The following ZNF780A variants were observed in gnomAD, a reference collection of about 807,000 sequenced individuals.
ZNF780A encodes the protein zinc finger protein 780A.
Under a neutral mutation model 56.7 loss-of-function variants are expected in ZNF780A, and 40 were observed. That is an observed-to-expected ratio of 0.71 (90% CI 0.55 to 0.92). The LOEUF is 0.92. Among genes scored for constraint, ZNF780A ranks in the 40% least tolerant of loss-of-function variants. The probability of loss-of-function intolerance (pLI) is 0.00; values close to 1 mark genes in which losing one functional copy is unlikely to be tolerated. For missense variants in ZNF780A, 672 were observed against 783.3 expected (o/e 0.86, Z 1.70); for synonymous variants, 231 against 248.3 (o/e 0.93, Z 0.66).
intron 3 of ZNF780A, among the ~76,000 whole-genome samples, chr19:40,083,580 C>T (rs767981648): frequency 6.7e-6 from 1 of 149,818 alleles, no homozygotes; most frequent in South Asian, 2.1e-4. Flanking sequence ...AGGAGTATTG[C>T]TTGAGCCCAG....
chr19:40,072,869 C>T (rs1048094252), downstream of ZNF780A: 1 of 1,537,402 alleles, frequency 6.5e-7, no homozygotes, highest in African/African-American at 1.4e-5. Context: ...ATAGGATTTC[C>T]AGGCTACAAT....
intron 5 of ZNF780A, among the ~76,000 whole-genome samples, chr19:40,079,098 T>C (rs939358261): frequency 1.3e-5 from 2 of 152,040 alleles, no homozygotes; most frequent in Non-Finnish European, 2.9e-5. Flanking sequence ...AACAGACTCA[T>C]CTCACTGGTA....
rs140572848 is a variant in ZNF780A at position 40,073,363 on chromosome 19, A to C, written c.*1153T>G. ...CACCATGATAGATATATAACAATGA[A>C]ATAGTTTGAAATATTCTGAGAATTA... On this transcript the variant is annotated 3_prime_UTR_variant, in exon 6 of 6. Transcript: ENST00000683561. 5.6e-4 allele frequency: 145 copies of C among 260,030 alleles called. No individual in the cohort carries two copies. The highest frequency in any genetic ancestry group is 3.1e-3 in the African/African-American group (134 of 43,384). The allele number at this position is 260,030 out of a possible 1,614,324, so 16.1% of individuals were successfully genotyped here.
intron 4 of ZNF780A, among the ~76,000 whole-genome samples, chr19:40,082,329 G>A (rs1357626665): frequency 6.6e-6 from 1 of 152,060 alleles, no homozygotes. Context: ...TTATATATAT[G>A]CAAAATACTT....
Position 40,075,973 on chromosome 19 carries a change from G to C in ZNF780A, c.469C>G (p.Leu157Val), listed in dbSNP as rs776080741. 2.5e-6 allele frequency: 4 copies of C among 1,613,266 alleles called. 1 individual carries two copies. In the Admixed American group the frequency reaches 6.7e-5, roughly 27 times the overall value. Residue 157 changes from leucine to valine, a missense_variant, in exon 6 of 6, where the codon CTT becomes GTT. By Grantham distance (32) the Leu-to-Val change is conservative. Transcript: ENST00000683561. ...TACGGTTTATGTGTATTGCAAATAAGAGAAGCATGAGGAGTATGAGTAGGC... is the reference window on the plus strand; with the variant it reads ...TACGGTTTATGTGTATTGCAAATAACAGAAGCATGAGGAGTATGAGTAGGC... ...KLPTHTPHAS[L>V]ICNTHKPYEC...
At chr19:40,082,536 T>C (rs1974536207) in intron 4 of ZNF780A, among the ~76,000 whole-genome samples, 1 of 152,202 alleles carries the variant, frequency 6.6e-6, no homozygotes, top group Non-Finnish European at 1.5e-5. Flanking sequence ...CCCTTTAGTG[T>C]TAAATGAATT....
chr19:40,088,437 G>A (rs1974944025), intron 2 of ZNF780A, among the ~76,000 whole-genome samples: 1 of 152,152 alleles, frequency 6.6e-6, no homozygotes, highest in Admixed American at 6.5e-5. Context: ...TCAGGGAAAT[G>A]AAAATTAAAC....
intron 3 of ZNF780A, 151 bp downstream of exon 3, chr19:40,084,594 T>C: frequency 1.8e-6 from 1 of 559,356 alleles, no homozygotes; most frequent in Non-Finnish European, 2.9e-6. Context: ...AGCAGTGACT[T>C]TTTTTTTTTT....
At position 40,073,818 on chromosome 19, in the gene ZNF780A, A is replaced by G. The variant is rs1973927276; in HGVS notation, c.*698T>C. ...GGTGTTGAGTAAATTTTTCGTACAC[A>G]GTGAAGGCTTGTCCACACTCCTTAT... is the stretch of plus-strand genomic sequence containing the variant. On this transcript the variant is annotated 3_prime_UTR_variant, in exon 6 of 6. Transcript: ENST00000683561. 1.0e-6 allele frequency: 1 copy of G among 989,484 alleles called. No homozygotes were observed. The highest frequency in any genetic ancestry group is 1.7e-5 in the African/African-American group (1 of 57,254). The allele number at this position is 989,484 out of a possible 1,614,324, so 61.3% of individuals were successfully genotyped here. A position where few individuals can be genotyped will look rare whatever the true frequency, so the allele number is the denominator to read the frequency against.
intron 5 of ZNF780A, among the ~76,000 whole-genome samples, chr19:40,076,441 G>C (rs1398687431): frequency 1.3e-5 from 2 of 152,116 alleles, no homozygotes; most frequent in African/African-American, 4.8e-5. Flanking sequence ...ATAGGAAAAT[G>C]AACCACAGAA....
rs775372893 is a variant in ZNF780A, at chr19:40,075,124, A to C, written c.1318T>G (p.Ser440Ala). The C allele has an allele frequency of 6.2e-7, 1 of 1,613,424 alleles. No homozygotes were observed. The highest frequency in any genetic ancestry group is 1.3e-5 in the African/African-American group (1 of 74,724). Residue 440 changes from serine to alanine, a missense_variant, in exon 6 of 6, where the codon TCC becomes GCC. Transcript: ENST00000683561. Reference sequence around the variant, plus strand: ...CTACATACAAAAGGTTTCTCATTGGAATGAATTTTCTGATGCTGAATAAGG... The same window carrying C: ...CTACATACAAAAGGTTTCTCATTGGCATGAATTTTCTGATGCTGAATAAGG... Reference protein sequence around the residue: ...AHLIQHQKIHSNEKPFVCREC... With the variant: ...AHLIQHQKIHANEKPFVCREC...
chr19:40,074,543 G>T lies in ZNF780A; in HGVS notation c.1899C>A (p.Asn633Lys), dbSNP rs567855101. The change falls in exon 6 of 6, where the codon AAC becomes AAA. Residue 633 changes from asparagine to lysine, a missense_variant. Coordinates refer to ENST00000683561, the MANE Select transcript of ZNF780A (RefSeq NM_001142578.2). ...SLPTQLNRHK[N>K]IHTGEKAS ...AAGATGCCTTCTCACCTGTGTGAAT[G>T]TTCTTATGGCGATTAAGCTGGGTGG... 6 of 1,613,786 alleles carry T rather than the reference G, an allele frequency of 3.7e-6. No homozygotes were observed. The East Asian group carries it at 1.3e-4, about 36-fold the overall frequency.
intron 2 of ZNF780A, among the ~76,000 whole-genome samples, chr19:40,086,620 T>C (rs1314713567): frequency 1.3e-5 from 2 of 152,180 alleles, no homozygotes. Flanking sequence ...ATAATTCTTA[T>C]AGAATGCCTT....
In ZNF780A at chr19:40,074,951, A is replaced by T. The variant is rs761219753; in HGVS notation, c.1491T>A (p.Gly497=). ...ACTCCTTACATTCATAGGGCTTCTC[A>T]CCAGTGTGAATACTCTGATGTTGAA... The part of the protein sequence containing the change: ...SLVQHQSIHT[G]EKPYECKECG... The change falls in exon 6 of 6, where the codon GGT becomes GGA. Residue 497 remains glycine, a synonymous_variant. Coordinates refer to ENST00000683561, the MANE Select transcript of ZNF780A (RefSeq NM_001142578.2). 3.7e-6 allele frequency: 6 copies of T among 1,614,038 alleles called. No individual in the cohort carries two copies. In the Admixed American group the frequency reaches 5.0e-5, roughly 13 times the overall value.
chr19:40,076,180 C>T lies in ZNF780A; in HGVS notation c.262G>A (p.Val88Ile). 4.5e-6 allele frequency: 7 copies of T among 1,569,826 alleles called. No individual in the cohort carries two copies. The highest frequency in any genetic ancestry group is 1.4e-5 in the African/African-American group (1 of 72,810). ...TCAGAGGTATCATTTTCTGGAGATA[C>T]TTTCTCAGGTCCATATTTTAACTCC... is the stretch of plus-strand genomic sequence containing the variant. ...DLELKYGPEK[V>I]SPENDTSEVN... The change falls in exon 6 of 6, where the codon GTA becomes ATA. Residue 88 changes from valine (V) to isoleucine (I), a missense_variant. Val to Ile is a conservative substitution (Grantham distance 29). Coordinates refer to ENST00000683561, the MANE Select transcript of ZNF780A (RefSeq NM_001142578.2).
At chr19:40,084,866 C>T (rs570150852) in intron 2 of ZNF780A, 68 bp from the exon 3 acceptor site, 3 of 1,517,840 alleles carry the variant, frequency 2.0e-6, no homozygotes, top group African/African-American at 2.8e-5. Context: ...ACTATTTTAT[C>T]CTCCGTTCCT....
downstream of ZNF780A, chr19:40,072,979 T>G: frequency 6.5e-7 from 1 of 1,539,764 alleles, no homozygotes; most frequent in Non-Finnish European, 8.7e-7. Context: ...AATGAAGAAA[T>G]CTGAAAATGG....
chr19:40,074,911 T>A lies in ZNF780A; in HGVS notation c.1531A>T (p.Arg511Ter), dbSNP rs1324406339. Reference protein sequence around the residue: ...YECKECGKAFRLYLQLSQHQK... With the variant: ...YECKECGKAF ...TGTTGGGAAAGTTGTAGGTAAAGTC[T>A]AAAAGCCTTCCCACACTCCTTACAT... The change falls in exon 6 of 6, where the codon AGA becomes TGA. Residue 511 changes from arginine to a stop codon, truncating the protein, a stop_gained. Transcript: ENST00000683561. LOFTEE classifies it high-confidence loss of function. The A allele has an allele frequency of 3.7e-6, 6 of 1,613,594 alleles. No homozygotes were observed. In the East Asian group the frequency reaches 1.3e-4, roughly 36 times the overall value.
chr19:40,078,881 T>C (rs1419144342), intron 5 of ZNF780A, among the ~76,000 whole-genome samples: 2 of 151,788 alleles, frequency 1.3e-5, no homozygotes, highest in Non-Finnish European at 2.9e-5. Context: ...GTTACCCCTA[T>C]AGAAAACAAC....
Sources: allele counts gnomAD v4.1 joint callset (sites outside exome capture counted in the v4.1 genomes callset), GRCh38; gene constraint gnomAD v4.1.1; transcripts MANE v1.5; gene names NCBI Gene and HGNC (gene_info 2026-07-23, HGNC 2026-07-21).